Variants in TDRP observed in about 807,000 individuals in gnomAD.
TDRP encodes testis development related protein.
In TDRP, 12 loss-of-function variants were observed where a neutral mutation model predicts 10.5. The observed-to-expected ratio is 1.15, with a 90% CI of 0.73 to 1.86. The LOEUF is 1.86. Ranked by LOEUF, TDRP falls within the 40% of genes most tolerant of loss-of-function variation. The pLI is 0.00. For missense variants in TDRP, 353 were observed against 229.2 expected, an observed-to-expected ratio of 1.54 and a Z score of -3.49; for synonymous variants, 139 against 95.4, an observed-to-expected ratio of 1.46 and a Z score of -2.67.
intron 2 of TDRP, 115 bp downstream of exon 2, chr8:494,379 G>A (rs1360543262): frequency 2.1e-5 from 20 of 946,162 alleles, no homozygotes; most frequent in East Asian, 1.0e-4. Context: ...GACTCGCCGC[G>A]CCCCACAATG....
At chr8:493,005 T>C (rs1801024009) in intron 2 of TDRP, among the ~76,000 whole-genome samples, 1 of 152,156 alleles carries the variant, frequency 6.6e-6, no homozygotes, top group South Asian at 2.1e-4. Flanking sequence ...AAAGAAGTAT[T>C]ATCACACAAG....
At position 490,839 on chromosome 8, in the gene TDRP, G is replaced by A. The variant is rs1029304709; in HGVS notation, c.*1560C>T. On this transcript the variant is annotated 3_prime_UTR_variant, in exon 3 of 3. Transcript: ENST00000324079. ...TTTGTTTGAACACCAATTGAAACAT[G>A]TCCCCCTTTCAAGACTTGATAAGTA... 1 of 152,014 alleles carries A rather than the reference G, an allele frequency of 6.6e-6. No homozygotes were observed. The allele number at this position is 152,014 out of a possible 1,614,324, so 9.4% of individuals were successfully genotyped here.
chr8:538,225 A>AGATTCTTGCTACAGGTGGGC (rs1802395983), intron 1 of TDRP, among the ~76,000 whole-genome samples: 1 of 152,190 alleles, frequency 6.6e-6, no homozygotes, highest in East Asian at 1.9e-4. Context: ...CAAGGGTGGG[A>AGATTCTTGCTACAGGTGGGC]GATTCTTGCT....
intron 1 of TDRP, among the ~76,000 whole-genome samples, chr8:510,485 G>T (rs1323637633): frequency 6.6e-6 from 1 of 152,066 alleles, no homozygotes; most frequent in African/African-American, 2.4e-5. Context: ...AGCTACAAGA[G>T]AAAAATGACC....
In TDRP at chr8:492,108, C is replaced by G; in HGVS notation, c.*291G>C. The G allele has an allele frequency of 5.8e-6, 7 of 1,210,696 alleles. No homozygotes were observed. Among genetic ancestry groups the G allele is most frequent in the Non-Finnish European group, 7.2e-6 (7 of 974,668 alleles). The allele number at this position is 1,210,696 out of a possible 1,614,324, so 75.0% of individuals were successfully genotyped here. A position where few individuals can be genotyped will look rare whatever the true frequency, so the allele number is the denominator to read the frequency against. On this transcript the variant is annotated 3_prime_UTR_variant, in exon 3 of 3. Transcript: ENST00000324079. ...TTTTGTGAGAAACTGCAAATCATTA[C>G]TGCTGTATTATGGGAGAGCATCATA...
At position 529,132 on chromosome 8, in the gene TDRP, C is replaced by T. The variant is rs538629195; in HGVS notation, c.108+15518G>A. Among the ~76,000 whole-genome samples the T allele has an allele frequency of 2.4e-4, 36 of 152,214 alleles. No homozygotes were observed. The South Asian group carries it at 7.5e-3, about 32-fold the overall frequency. ...ATGCCCACTCAGATTGGCGGTGGGT[C>T]TGCCTTTCCCAGTCCAAGGATTCAA... On this transcript the variant is annotated intron_variant, in intron 1 of 2. Transcript: ENST00000324079.
intron 1 of TDRP, among the ~76,000 whole-genome samples, chr8:543,325 A>T (rs912441747): frequency 2.0e-5 from 3 of 152,192 alleles, no homozygotes; most frequent in Non-Finnish European, 1.5e-5. Context: ...AATAAAAAAT[A>T]AAAACTTAAG....
chr8:525,011 C>G (rs531114638), intron 1 of TDRP, among the ~76,000 whole-genome samples: 1 of 152,180 alleles, frequency 6.6e-6, no homozygotes, highest in Admixed American at 6.5e-5. Context: ...TACTTCAAGG[C>G]TTTTACTAAT....
intron 1 of TDRP, among the ~76,000 whole-genome samples, chr8:539,925 T>A (rs535198382): frequency 6.6e-6 from 1 of 152,372 alleles, no homozygotes; most frequent in African/African-American, 2.4e-5. Flanking sequence ...ATGTCTTTTT[T>A]CTTTGCAATG....
intron 1 of TDRP, among the ~76,000 whole-genome samples, chr8:501,395 G>A (rs1320677753): frequency 2.0e-5 from 3 of 151,730 alleles, no homozygotes; most frequent in Non-Finnish European, 2.9e-5. Context: ...TGCCCAGGCT[G>A]GAGTGCAGTG....
chr8:496,061 C>T (rs185325398), intron 1 of TDRP, among the ~76,000 whole-genome samples: 1 of 152,190 alleles, frequency 6.6e-6, no homozygotes, highest in South Asian at 2.1e-4. Flanking sequence ...GCCAAAGAAA[C>T]CATCACAACA....
chr8:501,312 G>C (rs1801293098), intron 1 of TDRP, among the ~76,000 whole-genome samples: 1 of 152,070 alleles, frequency 6.6e-6, no homozygotes, highest in Non-Finnish European at 1.5e-5. Flanking sequence ...TGTAATTTTA[G>C]TATTTCATTA....
At chr8:517,303 C>G (rs1801782696) in intron 1 of TDRP, among the ~76,000 whole-genome samples, 1 of 152,214 alleles carries the variant, frequency 6.6e-6, no homozygotes, top group African/African-American at 2.4e-5. Flanking sequence ...CCCTGCCCAG[C>G]TGTCTCTTGT....
chr8:500,738 C>T (rs1801269710), intron 1 of TDRP, among the ~76,000 whole-genome samples: 1 of 152,210 alleles, frequency 6.6e-6, no homozygotes, highest in Admixed American at 6.5e-5. Flanking sequence ...GACTCCGGCC[C>T]TGGGAGAAAG....
intron 1 of TDRP, among the ~76,000 whole-genome samples, chr8:521,582 T>C (rs935566279): frequency 2.0e-5 from 3 of 152,234 alleles, no homozygotes; most frequent in Non-Finnish European, 4.4e-5. Context: ...CTCTGTTCCA[T>C]TGTTCTATAT....
At position 504,650 on chromosome 8, in the gene TDRP, G is replaced by A. The variant is rs866663305; in HGVS notation, c.109-10053C>T. On this transcript the variant is annotated intron_variant, in intron 1 of 2. Transcript: ENST00000324079. Reference sequence around the variant, plus strand: ...AATAAGAAGTCAGCACTCCAGCCCTGTTTGGTGAACTGGCAATTCTTGTAA... The same window carrying A: ...AATAAGAAGTCAGCACTCCAGCCCTATTTGGTGAACTGGCAATTCTTGTAA... Among the ~76,000 whole-genome samples the A allele has an allele frequency of 2.2e-3, 269 of 122,986 alleles. 1 individual carries two copies. Among genetic ancestry groups the A allele is most frequent in the African/African-American group, 9.1e-3 (252 of 27,824 alleles). 80.7% of individuals were successfully genotyped at this position (122,986 alleles called of 152,430 possible).
intron 1 of TDRP, among the ~76,000 whole-genome samples, chr8:543,011 A>C (rs1345723278): frequency 6.6e-6 from 1 of 151,036 alleles, no homozygotes; most frequent in African/African-American, 2.4e-5. Context: ...GAAATTTTTC[A>C]AAGTAAGAAC....
intron 1 of TDRP, among the ~76,000 whole-genome samples, chr8:498,837 T>C: frequency 6.6e-6 from 1 of 152,112 alleles, no homozygotes; most frequent in East Asian, 1.9e-4. Context: ...CTTGTGATAG[T>C]GAGTTCTCAC....
chr8:491,589 G>T lies in TDRP; in HGVS notation c.*810C>A. On this transcript the variant is annotated 3_prime_UTR_variant, in exon 3 of 3. Coordinates refer to ENST00000324079, the MANE Select transcript of TDRP (RefSeq NM_001384899.1). ...GAGGCACTTCAGTATTTTATGCACA[G>T]TCTTAACTCTCTATAATGAGCAAGA... The T allele has an allele frequency of 6.6e-7, 1 of 1,524,128 alleles. No individual in the cohort carries two copies. Among genetic ancestry groups the T allele is most frequent in the Non-Finnish European group, 8.7e-7 (1 of 1,143,352 alleles). 94.4% of individuals were successfully genotyped at this position (1,524,128 alleles called of 1,614,324 possible). A position where few individuals can be genotyped will look rare whatever the true frequency, so the allele number is the denominator to read the frequency against.
Sources: gnomAD v4.1 joint callset for allele counts (sites outside exome capture counted in the v4.1 genomes callset) on GRCh38, gnomAD v4.1.1 for gene constraint, MANE v1.5 for transcripts, NCBI Gene and HGNC (gene_info 2026-07-23, HGNC 2026-07-21) for gene names.